Variants in RHOBTB1 observed in about 807,000 individuals in gnomAD.
The protein encoded by RHOBTB1 is rho-related BTB domain-containing protein 1.
RHOBTB1 carries 40 observed loss-of-function variants against 71.6 expected under a neutral mutation model. The ratio of observed to expected loss-of-function variants is 0.56; its 90% CI spans 0.43 to 0.73. The LOEUF is 0.73. Ranked by LOEUF, RHOBTB1 falls within the 30% of genes least tolerant of loss-of-function variation. The probability of loss-of-function intolerance (pLI) is 0.00; values close to 1 mark genes in which losing one functional copy is unlikely to be tolerated. For synonymous variants in RHOBTB1, 319 were observed against 334.9 expected (o/e 0.95, Z 0.52); for missense variants, 797 against 894.0 (o/e 0.89, Z 1.38).
At chr10:60,878,146 G>C in intron 7 of RHOBTB1, 88 bp from the exon 8 acceptor site, 1 of 1,050,868 alleles carries the variant, frequency 9.5e-7, no homozygotes, top group African/African-American at 1.6e-5. Context: ...AATATCCTGT[G>C]TGACTTGATA....
chr10:60,955,126 C>T lies in RHOBTB1; in HGVS notation c.-61-13272G>A, dbSNP rs1274676174. Among the ~76,000 whole-genome samples the T allele has an allele frequency of 2.0e-5, 3 of 148,972 alleles. No homozygotes were observed. In the East Asian group the frequency reaches 6.0e-4, roughly 30 times the overall value. ...GTGGTGCCATCTCTGCTTACTGCAA[C>T]CTCCACTTCCTGGGTTCAAGCGATC... On this transcript the variant is annotated intron_variant, in intron 2 of 11. Coordinates refer to the RHOBTB1 transcript ENST00000357917.
At chr10:60,952,476 A>C (rs1307310309) in intron 2 of RHOBTB1, among the ~76,000 whole-genome samples, 1 of 152,224 alleles carries the variant, frequency 6.6e-6, no homozygotes, top group Non-Finnish European at 1.5e-5. Context: ...ACAATGACTT[A>C]ATGAAGGAGG....
At chr10:60,930,656 G>A (rs1421884309) in intron 2 of RHOBTB1, among the ~76,000 whole-genome samples, 1 of 152,114 alleles carries the variant, frequency 6.6e-6, no homozygotes, top group African/African-American at 2.4e-5. Context: ...GAATAGAGAG[G>A]CATGGCTTAC....
chr10:60,947,688 T>C (rs1431585048), upstream of RHOBTB1, among the ~76,000 whole-genome samples: 1 of 152,254 alleles, frequency 6.6e-6, no homozygotes, highest in Non-Finnish European at 1.5e-5. Context: ...ATTAAATTTT[T>C]ATTGCATGGA....
At chr10:60,880,524 TG>T (rs1235772218) in intron 7 of RHOBTB1, among the ~76,000 whole-genome samples, 12 of 152,294 alleles carry the variant, frequency 7.9e-5, no homozygotes, top group African/African-American at 2.4e-4. Flanking sequence ...CTTTCAGACA[TG>T]GTTGGTGAAA....
At chr10:60,901,030 A>T (rs979532746) in intron 4 of RHOBTB1, among the ~76,000 whole-genome samples, 96 of 152,238 alleles carry the variant, frequency 6.3e-4, no homozygotes, top group African/African-American at 2.0e-3. Context: ...TACTTTCAGG[A>T]TTAATTCCAG....
chr10:60,912,261 G>A (rs904213963), intron 2 of RHOBTB1, among the ~76,000 whole-genome samples: 9 of 151,226 alleles, frequency 6.0e-5, no homozygotes, highest in East Asian at 3.9e-4. Context: ...GGAATCTCAC[G>A]CTGTCACCCA....
At chr10:60,919,271 T>G (rs959774635) in intron 2 of RHOBTB1, among the ~76,000 whole-genome samples, 1 of 152,236 alleles carries the variant, frequency 6.6e-6, no homozygotes, top group African/African-American at 2.4e-5. Flanking sequence ...GTGCAACAAA[T>G]TTTAGTGTAT....
intron 2 of RHOBTB1, among the ~76,000 whole-genome samples, chr10:60,923,560 A>G (rs1007107371): frequency 6.6e-6 from 1 of 152,218 alleles, no homozygotes; most frequent in African/African-American, 2.4e-5. Context: ...TTTACTCATG[A>G]TTGACCAAAG....
At chr10:60,954,041 C>T (rs1005612990) in intron 2 of RHOBTB1, among the ~76,000 whole-genome samples, 132 of 152,260 alleles carry the variant, frequency 8.7e-4, no homozygotes, top group African/African-American at 2.9e-3. Flanking sequence ...ATTATAACCA[C>T]TACCTTTTTT....
chr10:60,928,309 C>A (rs986653470), intron 2 of RHOBTB1, among the ~76,000 whole-genome samples: 3 of 145,970 alleles, frequency 2.1e-5, no homozygotes, highest in African/African-American at 7.6e-5. Flanking sequence ...AGTAATCCCA[C>A]TGATGGGTAT....
chr10:60,986,601 C>T (rs1371546670), intron 1 of RHOBTB1, among the ~76,000 whole-genome samples: 1 of 151,418 alleles, frequency 6.6e-6, no homozygotes. Flanking sequence ...TCCAAAGAAA[C>T]CAAATATTTT....
At chr10:60,949,093 A>C (rs1181500632), upstream of RHOBTB1, among the ~76,000 whole-genome samples, 1 of 152,188 alleles carries the variant, frequency 6.6e-6, no homozygotes, top group East Asian at 1.9e-4. Context: ...CATTAATGCT[A>C]AGTATTGATG....
chr10:60,921,952 A>G (rs1432165924), intron 2 of RHOBTB1, among the ~76,000 whole-genome samples: 1 of 152,140 alleles, frequency 6.6e-6, no homozygotes, highest in East Asian at 1.9e-4. Context: ...CCTTTCACCA[A>G]ATGGGAAGGT....
intron 5 of RHOBTB1, among the ~76,000 whole-genome samples, chr10:60,890,525 G>C (rs1171380760): frequency 6.6e-6 from 1 of 152,100 alleles, no homozygotes; most frequent in Non-Finnish European, 1.5e-5. Context: ...CTGGGGTTAT[G>C]GCATAACCAT....
In RHOBTB1 at chr10:60,875,016, T is replaced by C; in HGVS notation, c.1753A>G (p.Lys585Glu). ...ATGCCCACGCCACTCGTGGCGGCTT[T>C]GGTCAACTCCTGAACGGCATGCTGT... The part of the protein sequence containing the change: ...AEQHAVQELT[K>E]AATSGVGIDG... The change falls in exon 9 of 11, where the codon AAA becomes GAA. Residue 585 changes from lysine (K) to glutamate (E), a missense_variant. Transcript: ENST00000337910. 1 of 1,614,094 alleles carries C rather than the reference T, an allele frequency of 6.2e-7. No individual in the cohort carries two copies. Among genetic ancestry groups the C allele is most frequent in the Non-Finnish European group, 8.5e-7 (1 of 1,179,958 alleles).
At chr10:60,869,363 GT>G (rs1276719593), downstream of RHOBTB1, 1 of 152,172 alleles carries the variant, frequency 6.6e-6, no homozygotes, top group Non-Finnish European at 1.5e-5. Context: ...CACCCTTAAT[GT>G]TTTGATAATT....
intron 4 of RHOBTB1, among the ~76,000 whole-genome samples, chr10:60,900,433 G>T (rs183359428): frequency 1.3e-5 from 2 of 152,116 alleles, no homozygotes; most frequent in Non-Finnish European, 2.9e-5. Flanking sequence ...AAGCTTTTTC[G>T]TGAGCTATTT....
intron 5 of RHOBTB1, among the ~76,000 whole-genome samples, chr10:60,891,228 T>C (rs2081898372): frequency 6.6e-6 from 1 of 152,118 alleles, no homozygotes. Context: ...GAAAGTACCA[T>C]TTACTATTGC....
Sources: allele counts gnomAD v4.1 joint callset (sites outside exome capture counted in the v4.1 genomes callset), GRCh38; gene constraint gnomAD v4.1.1; transcripts MANE v1.5; gene names NCBI Gene and HGNC (gene_info 2026-07-23, HGNC 2026-07-21).